The following USP20 variants were observed in gnomAD, a reference collection of about 807,000 sequenced individuals.
The protein encoded by USP20 is ubiquitin specific peptidase 20, also known as ubiquitin carboxyl-terminal hydrolase 20.
A neutral mutation model predicts 124.2 loss-of-function variants in USP20; 80 were observed. The ratio of observed to expected loss-of-function variants is 0.64; its 90% CI spans 0.54 to 0.78. The LOEUF (loss-of-function observed/expected upper bound fraction) is 0.78, where lower values mean the gene tolerates loss of function less well. Among genes scored for constraint, USP20 ranks in the 30% least tolerant of loss-of-function variants. USP20 has a pLI of 0.00. For synonymous variants in USP20, 481 were observed against 512.3 expected (o/e 0.94, Z 0.83); for missense variants, 1,043 against 1,244.4 (o/e 0.84, Z 2.44).
chr9:129,878,330 C>A lies in USP20; in HGVS notation c.2410-8C>A. 1 of 1,577,754 alleles carries A rather than the reference C, an allele frequency of 6.3e-7. No homozygotes were observed. Among genetic ancestry groups the A allele is most frequent in the Admixed American group, 1.9e-5 (1 of 54,050 alleles). On this transcript the variant is annotated splice_polypyrimidine_tract_variant and splice_region_variant and intron_variant, in intron 22 of 25. Coordinates refer to ENST00000372429, the MANE Select transcript of USP20 (RefSeq NM_001110303.4). ...CTCTGTCTCCTCCCGTCCCTGCCCG[C>A]CTGCCAGTTGAACAAGGCCTTCCAG...
chr9:129,878,769 T>G (rs1053342676), intron 23 of USP20, among the ~76,000 whole-genome samples: 2 of 152,184 alleles, frequency 1.3e-5, no homozygotes, highest in Admixed American at 1.3e-4. Flanking sequence ...ATCTGACTCC[T>G]TGGATTTACA....
intron 3 of USP20, among the ~76,000 whole-genome samples, chr9:129,853,985 C>G (rs1423700896): frequency 1.8e-5 from 2 of 113,226 alleles, no homozygotes; most frequent in Non-Finnish European, 3.8e-5. Context: ...CAACACCGTT[C>G]TAAAATACTC....
At chr9:129,846,622 CT>C (rs11378286) in intron 1 of USP20, among the ~76,000 whole-genome samples, 539 of 132,310 alleles carry the variant, frequency 4.1e-3, no homozygotes, top group East Asian at 6.8e-3. Flanking sequence ...AAGTTACTGT[CT>C]TTTTTTTTTT....
Position 129,868,188 on chromosome 9 carries a change from CG to C in USP20, c.878del (p.Gly293ValfsTer20). The C allele has an allele frequency of 6.2e-7, 1 of 1,613,942 alleles. No individual in the cohort carries two copies. Among genetic ancestry groups the C allele is most frequent in the East Asian group, 2.2e-5 (1 of 44,878 alleles). The part of the protein sequence containing the change: ...EFLSCDSSSD[R>X]GEGDGQGRGG... ...CTTGTCCTGTGACTCGAGCAGTGAC[CG>C]GGGTGAGGGTGACGGGCAGGGGCGT... is the stretch of plus-strand genomic sequence containing the variant. On this transcript the variant is annotated frameshift_variant, in exon 11 of 26. Coordinates refer to ENST00000372429, the MANE Select transcript of USP20 (RefSeq NM_001110303.4). LOFTEE classifies it high-confidence loss of function.
intron 12 of USP20, 137 bp from the exon 13 acceptor site, chr9:129,869,173 C>CA: frequency 7.6e-7 from 1 of 1,314,116 alleles, no homozygotes; most frequent in Non-Finnish European, 1.1e-6. Context: ...GACACAGAGG[C>CA]ATGAGATGGT....
intron 22 of USP20, among the ~76,000 whole-genome samples, chr9:129,876,633 C>T (rs546329813): frequency 3.6e-5 from 3 of 83,766 alleles, no homozygotes; most frequent in African/African-American, 8.1e-5. Flanking sequence ...AGTAAGACTC[C>T]ATCTCAAAAA....
intron 1 of USP20, among the ~76,000 whole-genome samples, chr9:129,847,247 A>T (rs1047261012): frequency 6.9e-6 from 1 of 145,710 alleles, no homozygotes; most frequent in Non-Finnish European, 1.5e-5. Flanking sequence ...TCACATTCCC[A>T]CCAACAGTGC....
At chr9:129,871,654 T>C (rs1424641087) in intron 15 of USP20, among the ~76,000 whole-genome samples, 1 of 152,232 alleles carries the variant, frequency 6.6e-6, no homozygotes, top group African/African-American at 2.4e-5. Flanking sequence ...TTTTGTTTAC[T>C]TTTTTGATGG....
intron 1 of USP20, among the ~76,000 whole-genome samples, chr9:129,841,822 C>T (rs1013475001): frequency 1.3e-5 from 2 of 152,068 alleles, no homozygotes; most frequent in African/African-American, 2.4e-5. Flanking sequence ...ACCAAGAATC[C>T]GTGCATGAGT....
intron 6 of USP20, among the ~76,000 whole-genome samples, chr9:129,860,472 A>T (rs946322666): frequency 5.3e-5 from 8 of 152,242 alleles, no homozygotes; most frequent in Admixed American, 1.3e-4. Context: ...GCCAATAAAA[A>T]AATGCAAGTC....
At chr9:129,855,813 A>G (rs2033185012) in intron 3 of USP20, among the ~76,000 whole-genome samples, 1 of 152,206 alleles carries the variant, frequency 6.6e-6, no homozygotes, top group Admixed American at 6.5e-5. Flanking sequence ...CCAGACCGCC[A>G]GAAACCTGGG....
chr9:129,858,093 A>G lies in USP20; in HGVS notation c.179A>G (p.His60Arg), dbSNP rs1439951802. ...YVGCGESFADHSTIHAQAKKH... is the reference protein window; with the variant it reads ...YVGCGESFADRSTIHAQAKKH... ...GGCTGCGGAGAATCCTTTGCTGACCACAGCACCATTCATGCACAGGTGAGT... is the reference window on the plus strand; with the variant it reads ...GGCTGCGGAGAATCCTTTGCTGACCGCAGCACCATTCATGCACAGGTGAGT... Residue 60 changes from histidine (H) to arginine (R), a missense_variant, in exon 5 of 26, where the codon CAC becomes CGC. His to Arg is a conservative substitution (Grantham distance 29, BLOSUM62 0). Coordinates refer to ENST00000372429, the MANE Select transcript of USP20 (RefSeq NM_001110303.4). The G allele has an allele frequency of 6.2e-7, 1 of 1,613,888 alleles. No individual in the cohort carries two copies.
intron 15 of USP20, among the ~76,000 whole-genome samples, chr9:129,872,334 G>T (rs887793374): frequency 6.6e-6 from 1 of 151,954 alleles, no homozygotes; most frequent in South Asian, 2.1e-4. Context: ...TGTATTGTTA[G>T]TAGAGATGGG....
At chr9:129,861,498 G>A (rs905216712) in intron 7 of USP20, 45 bp from the exon 8 acceptor site, 3 of 1,586,698 alleles carry the variant, frequency 1.9e-6, no homozygotes, top group Non-Finnish European at 2.6e-6. Context: ...TTCCTCGGTG[G>A]GGCAGGGTGC....
intron 1 of USP20, 62 bp downstream of exon 1, chr9:129,835,561 A>C (rs3758335): frequency 0.17 from 32,009 of 192,284 alleles, 3,165 homozygotes; most frequent in East Asian, 0.22. Flanking sequence ...TGGCGACCCC[A>C]GCCCGGCTCC....
At chr9:129,859,301 T>G (rs914825817) in intron 6 of USP20, among the ~76,000 whole-genome samples, 1 of 151,188 alleles carries the variant, frequency 6.6e-6, no homozygotes, top group South Asian at 2.1e-4. Context: ...TGAGACCGAG[T>G]CTCGCTCTGT....
chr9:129,846,622 CTTTTTTTT>C (rs11378286), intron 1 of USP20, among the ~76,000 whole-genome samples: 1 of 132,410 alleles, frequency 7.6e-6, no homozygotes, highest in African/African-American at 2.8e-5. Context: ...AAGTTACTGT[CTTTTTTTT>C]TTTTTTTTTT....
chr9:129,859,713 T>C (rs941798862), intron 6 of USP20, among the ~76,000 whole-genome samples: 7 of 152,370 alleles, frequency 4.6e-5, no homozygotes, highest in Admixed American at 4.6e-4. Context: ...CTTGTTTTTG[T>C]TGTGCATGTG....
chr9:129,873,385 G>T, intron 15 of USP20, 97 bp from the exon 16 acceptor site: 5 of 1,502,628 alleles, frequency 3.3e-6, no homozygotes, highest in Non-Finnish European at 3.7e-6. Context: ...TGCCCAGCCA[G>T]GTTTTATTTC....
Sources: allele counts gnomAD v4.1 joint callset (sites outside exome capture counted in the v4.1 genomes callset), GRCh38; gene constraint gnomAD v4.1.1; transcripts MANE v1.5; gene names NCBI Gene and HGNC (gene_info 2026-07-23, HGNC 2026-07-21).